The following ASCC1 variants were observed in gnomAD, a reference collection of about 807,000 sequenced individuals.
ASCC1 encodes ASC-1 complex subunit P50.
ASCC1 carries 35 observed loss-of-function variants against 46.6 expected under a neutral mutation model. The ratio of observed to expected loss-of-function variants is 0.75; its 90% CI spans 0.57 to 0.99. The LOEUF is 0.99. ASCC1 is among the 50% of genes least tolerant of loss of function. ASCC1 has a pLI of 0.00. For synonymous variants in ASCC1, 143 were observed against 146.6 expected (o/e 0.98, Z 0.18); for missense variants, 376 against 428.7 (o/e 0.88, Z 1.09).
At chr10:72,109,460 C>A (rs1019225720) in intron 9 of ASCC1, among the ~76,000 whole-genome samples, 2 of 152,178 alleles carry the variant, frequency 1.3e-5, no homozygotes, top group Non-Finnish European at 2.9e-5. Context: ...TGTCTTGCTG[C>A]AGTGAGCAAG....
chr10:72,146,168 C>T (rs1321517565), intron 7 of ASCC1, among the ~76,000 whole-genome samples: 5 of 152,284 alleles, frequency 3.3e-5, no homozygotes, highest in Non-Finnish European at 2.9e-5. Context: ...CTGCCCTTCC[C>T]GACAGCCCTG....
intron 9 of ASCC1, among the ~76,000 whole-genome samples, chr10:72,106,036 C>G (rs1842309171): frequency 6.6e-6 from 1 of 152,092 alleles, no homozygotes; most frequent in African/African-American, 2.4e-5. Flanking sequence ...TCCCTGCTCA[C>G]TTGGCTTTCC....
intron 3 of ASCC1, among the ~76,000 whole-genome samples, chr10:72,206,176 G>A (rs904779979): frequency 3.3e-5 from 5 of 151,432 alleles, no homozygotes; most frequent in Non-Finnish European, 7.4e-5. Flanking sequence ...AGGCTGAGGC[G>A]GGTGGATCAC....
Position 72,213,392 on chromosome 10 carries a change from G to T in ASCC1, c.-33-61C>A, listed in dbSNP as rs1019533716. The T allele has an allele frequency of 9.3e-5, 82 of 885,398 alleles. 2 individuals carry two copies. In the Admixed American group the frequency reaches 1.5e-3, roughly 16 times the overall value. The allele number at this position is 885,398 out of a possible 1,614,324, so 54.8% of individuals were successfully genotyped here. On this transcript the variant is annotated intron_variant, in intron 1 of 9. Coordinates refer to ENST00000672957, the MANE Select transcript of ASCC1 (RefSeq NM_001198800.3). ...GAGAATTAAAACTCCTATCTCTAGT[G>T]TCTGAACCATTATGCAGGTCTGAAT...
In ASCC1 at chr10:72,135,070, C is replaced by T. The variant is rs112465681; in HGVS notation, c.747-1889G>A. On this transcript the variant is annotated intron_variant, in intron 7 of 9. Transcript: ENST00000672957. Reference sequence around the variant, plus strand: ...CTGAAGATACAGAGTTGAGTGAGGGCTGTGTGTGTTTTCAATGAGGAGAAA... The same window carrying T: ...CTGAAGATACAGAGTTGAGTGAGGGTTGTGTGTGTTTTCAATGAGGAGAAA... Among the ~76,000 whole-genome samples the T allele has an allele frequency of 8.9e-4, 136 of 152,272 alleles. 2 individuals are homozygous for T. Among genetic ancestry groups the T allele is most frequent in the African/African-American group, 3.2e-3 (132 of 41,550 alleles).
intron 3 of ASCC1, among the ~76,000 whole-genome samples, chr10:72,203,907 C>T (rs1409397305): frequency 6.6e-6 from 1 of 152,108 alleles, no homozygotes; most frequent in Non-Finnish European, 1.5e-5. Context: ...TGCTTGAGAC[C>T]AGGAGTTTGA....
At chr10:72,180,122 T>C (rs1852383092) in intron 5 of ASCC1, among the ~76,000 whole-genome samples, 1 of 151,088 alleles carries the variant, frequency 6.6e-6, no homozygotes, top group African/African-American at 2.4e-5. Flanking sequence ...ACTAAAAATA[T>C]ACAAAAATTA....
intron 4 of ASCC1, among the ~76,000 whole-genome samples, chr10:72,199,969 G>C (rs1248069701): frequency 2.6e-5 from 4 of 151,962 alleles, no homozygotes; most frequent in African/African-American, 9.7e-5. Flanking sequence ...CTGGGCTCAA[G>C]TGATCCTCCC....
At chr10:72,167,665 G>T (rs1850536188) in intron 5 of ASCC1, among the ~76,000 whole-genome samples, 1 of 144,928 alleles carries the variant, frequency 6.9e-6, no homozygotes, top group South Asian at 2.2e-4. Context: ...TTAAGACAAG[G>T]TCTCCTCTGT....
Position 72,153,068 on chromosome 10 carries a change from CAT to C in ASCC1, c.627-82_627-81del, listed in dbSNP as rs1170941489. On this transcript the variant is annotated intron_variant, in intron 6 of 9. Coordinates refer to ENST00000672957, the MANE Select transcript of ASCC1 (RefSeq NM_001198800.3). ...TTTATTTTGAAACATGGTTAATACACATAGTCAAATATGTATGTTACTTACAT... is the reference window on the plus strand; with the variant it reads ...TTTATTTTGAAACATGGTTAATACACAGTCAAATATGTATGTTACTTACAT... The C allele has an allele frequency of 2.4e-5, 38 of 1,557,834 alleles. No homozygotes were observed. In the South Asian group the frequency reaches 2.5e-4, roughly 10 times the overall value.
chr10:72,101,013 C>T (rs774448436), intron 9 of ASCC1, among the ~76,000 whole-genome samples: 4 of 152,222 alleles, frequency 2.6e-5, no homozygotes, highest in African/African-American at 7.2e-5. Flanking sequence ...ATCAAGGAGG[C>T]GGGGGACATT....
chr10:72,157,653 A>C (rs2132635534), intron 6 of ASCC1, among the ~76,000 whole-genome samples: 1 of 152,320 alleles, frequency 6.6e-6, no homozygotes, highest in African/African-American at 2.4e-5. Context: ...TCCTGAAAAA[A>C]CTGTTATACT....
intron 7 of ASCC1, among the ~76,000 whole-genome samples, chr10:72,150,955 G>A (rs1848252433): frequency 6.6e-6 from 1 of 152,198 alleles, no homozygotes; most frequent in South Asian, 2.1e-4. Context: ...AACAGGTGCT[G>A]GAGAGGATGT....
At position 72,213,329 on chromosome 10, in the gene ASCC1, G is replaced by T. The variant is rs1802717578; in HGVS notation, c.-31C>A. Reference sequence around the variant, plus strand: ...TTTCTCCAAATGATATTCCAATTATGCCCTGAAAAATATAATTACCATCTT... The same window carrying T: ...TTTCTCCAAATGATATTCCAATTATTCCCTGAAAAATATAATTACCATCTT... On this transcript the variant is annotated splice_region_variant and 5_prime_UTR_variant, in exon 2 of 10. Coordinates refer to ENST00000672957, the MANE Select transcript of ASCC1 (RefSeq NM_001198800.3). The T allele has an allele frequency of 1.4e-6, 2 of 1,476,562 alleles. No homozygotes were observed. Among genetic ancestry groups the T allele is most frequent in the African/African-American group, 1.4e-5 (1 of 71,908 alleles). 91.5% of individuals were successfully genotyped at this position (1,476,562 alleles called of 1,614,324 possible).
At chr10:72,137,484 C>T (rs533044871) in intron 7 of ASCC1, among the ~76,000 whole-genome samples, 4 of 144,146 alleles carry the variant, frequency 2.8e-5, no homozygotes, top group South Asian at 2.2e-4. Context: ...GCCAAGATTG[C>T]GCCATTGCAC....
chr10:72,132,028 C>T (rs1030308979), intron 8 of ASCC1, among the ~76,000 whole-genome samples: 2 of 151,950 alleles, frequency 1.3e-5, no homozygotes, highest in African/African-American at 4.8e-5. Context: ...GCCACCACAC[C>T]CGGCTAATTT....
At chr10:72,154,646 C>T (rs767819829) in intron 6 of ASCC1, among the ~76,000 whole-genome samples, 34 of 152,018 alleles carry the variant, frequency 2.2e-4, no homozygotes, top group Non-Finnish European at 4.4e-4. Flanking sequence ...CATGTGCCAC[C>T]ATGTCTGGCT....
At chr10:72,150,220 C>T (rs1215794587) in intron 7 of ASCC1, among the ~76,000 whole-genome samples, 2 of 151,752 alleles carry the variant, frequency 1.3e-5, no homozygotes, top group African/African-American at 2.4e-5. Flanking sequence ...ACAGAACACA[C>T]ACCAAAATAG....
chr10:72,212,521 T>C (rs1858309914), intron 2 of ASCC1, among the ~76,000 whole-genome samples: 1 of 152,116 alleles, frequency 6.6e-6, no homozygotes, highest in Non-Finnish European at 1.5e-5. Flanking sequence ...ATGGACTAAA[T>C]ACATACGTTC....
Sources: allele counts gnomAD v4.1 joint callset (sites outside exome capture counted in the v4.1 genomes callset), GRCh38; gene constraint gnomAD v4.1.1; transcripts MANE v1.5; gene names NCBI Gene and HGNC (gene_info 2026-07-23, HGNC 2026-07-21).